Variants in WASL observed in about 807,000 individuals in gnomAD.
WASL encodes the protein WASP like actin nucleation promoting factor, also known as actin nucleation-promoting factor WASL.
In WASL, 20 loss-of-function variants were observed where a neutral mutation model predicts 55.5. That is an observed-to-expected ratio of 0.36 (90% confidence interval 0.25 to 0.52). The LOEUF is 0.52. Among genes scored for constraint, WASL ranks in the 20% least tolerant of loss-of-function variants. The probability of loss-of-function intolerance (pLI) is 0.92; values close to 1 mark genes in which losing one functional copy is unlikely to be tolerated. For missense variants in WASL, 504 were observed against 622.5 expected, an observed-to-expected ratio of 0.81 and a Z score of 2.03; for synonymous variants, 249 against 217.6, an observed-to-expected ratio of 1.14 and a Z score of -1.27.
At chr7:123,741,318 C>A (rs1584875931) in intron 1 of WASL, among the ~76,000 whole-genome samples, 1 of 152,126 alleles carries the variant, frequency 6.6e-6, no homozygotes, top group African/African-American at 2.4e-5. Context: ...ATATATGCTA[C>A]AGAAACTTAG....
At chr7:123,727,112 A>G (rs1011574125) in intron 1 of WASL, among the ~76,000 whole-genome samples, 6 of 152,256 alleles carry the variant, frequency 3.9e-5, no homozygotes, top group Middle Eastern at 3.4e-3. Flanking sequence ...AGGAAATATA[A>G]TGAAAAGCCA....
At position 123,690,651 on chromosome 7, in the gene WASL, G is replaced by A. The variant is rs939173959; in HGVS notation, c.1348-1501C>T. ...TGGAAAGAAAGGGAGAGTTGGGATG[G>A]GAGAAAGTTATGGAGAAAGTAAATA... is the stretch of plus-strand genomic sequence containing the variant. On this transcript the variant is annotated intron_variant, in intron 9 of 10. Coordinates refer to ENST00000223023, the MANE Select transcript of WASL (RefSeq NM_003941.4). Among the ~76,000 whole-genome samples, 274 of 73,724 alleles carry A rather than the reference G, an allele frequency of 3.7e-3. 2 individuals are homozygous for A. The highest frequency in any genetic ancestry group is 6.4e-3 in the Non-Finnish European group (210 of 32,932). The allele number at this position is 73,724 out of a possible 152,430, so 48.4% of individuals were successfully genotyped here.
Position 123,716,446 on chromosome 7 carries a change from G to GATCTGCTTGA in WASL, c.118-7233_118-7224dup, listed in dbSNP as rs762811174. Among the ~76,000 whole-genome samples, 176 of 151,962 alleles carry GATCTGCTTGA rather than the reference G, an allele frequency of 1.2e-3. 1 individual carries two copies. Among genetic ancestry groups the GATCTGCTTGA allele is most frequent in the Non-Finnish European group, 2.2e-3 (150 of 67,944 alleles). On this transcript the variant is annotated intron_variant, in intron 1 of 10. Coordinates refer to ENST00000223023, the MANE Select transcript of WASL (RefSeq NM_003941.4). ...GCCAGGCTGGTCTTGAACTCCTGAC[G>GATCTGCTTGA]ATCTGCTTGAATCTGCTTGACGATT...
intron 1 of WASL, among the ~76,000 whole-genome samples, chr7:123,717,428 C>T (rs1299440237): frequency 3.9e-5 from 6 of 152,220 alleles, no homozygotes; most frequent in East Asian, 1.9e-4. Flanking sequence ...CGTGGTACTT[C>T]CATCAAGAAT....
At chr7:123,690,024 A>T (rs1031767036) in intron 9 of WASL, among the ~76,000 whole-genome samples, 1 of 152,172 alleles carries the variant, frequency 6.6e-6, no homozygotes, top group Non-Finnish European at 1.5e-5. Context: ...ATATAGATTC[A>T]TTCCTTAGTA....
At chr7:123,733,913 C>CAAAAAAAAAAAAA (rs33913069) in intron 1 of WASL, among the ~76,000 whole-genome samples, 1 of 110,800 alleles carries the variant, frequency 9.0e-6, no homozygotes, top group Non-Finnish European at 1.8e-5. Context: ...ATCCACGTGC[C>CAAAAAAAAAAAAA]AAAAAAAAAA....
At chr7:123,729,441 C>T (rs1251595115) in intron 1 of WASL, among the ~76,000 whole-genome samples, 4 of 152,066 alleles carry the variant, frequency 2.6e-5, no homozygotes, top group African/African-American at 9.7e-5. Flanking sequence ...GAGTAAGACA[C>T]AGTATTTTTT....
At chr7:123,700,003 C>T (rs1424281225) in intron 5 of WASL, among the ~76,000 whole-genome samples, 1 of 151,478 alleles carries the variant, frequency 6.6e-6, no homozygotes, top group Non-Finnish European at 1.5e-5. Flanking sequence ...GGTGAAACCC[C>T]GTCTCTACTA....
At chr7:123,716,255 C>T (rs1034498497) in intron 1 of WASL, among the ~76,000 whole-genome samples, 1 of 152,042 alleles carries the variant, frequency 6.6e-6, no homozygotes, top group African/African-American at 2.4e-5. Context: ...CTCTCTCACC[C>T]AGGGTGGAGG....
At chr7:123,732,191 G>A (rs561110493) in intron 1 of WASL, among the ~76,000 whole-genome samples, 1 of 152,078 alleles carries the variant, frequency 6.6e-6, no homozygotes, top group African/African-American at 2.4e-5. Flanking sequence ...TTAGCCGGGT[G>A]TGGTGGCGGA....
rs1363164101 is a variant in WASL, at chr7:123,696,747, C to T, written c.461G>A (p.Gly154Asp). The T allele has an allele frequency of 6.5e-7, 1 of 1,532,722 alleles. No homozygotes were observed. The highest frequency in any genetic ancestry group is 8.7e-7 in the Non-Finnish European group (1 of 1,143,056). 94.9% of individuals were successfully genotyped at this position (1,532,722 alleles called of 1,614,324 possible). A position where few individuals can be genotyped will look rare whatever the true frequency, so the allele number is the denominator to read the frequency against. ...KSEKRRDPPN[G>D]PNLPMATVDI... ...AACTGTAGCCATGGGTAGATTAGGA[C>T]CTGCAAATAAAACCAAATTATATAA... is the stretch of plus-strand genomic sequence containing the variant. Residue 154 changes from glycine to aspartate, a missense_variant and splice_region_variant, in exon 6 of 11, where the codon GGT (glycine) becomes GAT (aspartate). This residue lies in a region of WASL where 230 missense variants were observed against 271.9 expected (regional missense o/e 0.85). Transcript: ENST00000223023.
In WASL at chr7:123,682,696, T is replaced by C. The variant is rs1331717197; in HGVS notation, c.*1823A>G. On this transcript the variant is annotated 3_prime_UTR_variant, in exon 11 of 11. Transcript: ENST00000223023. ...TTAACATTACTTAAAATAATTATAATGTTCCATTTAACTTTTGTACAAACT... is the reference window on the plus strand; with the variant it reads ...TTAACATTACTTAAAATAATTATAACGTTCCATTTAACTTTTGTACAAACT... 1.3e-5 allele frequency: 2 copies of C among 152,114 alleles called. No individual in the cohort carries two copies. The highest frequency in any genetic ancestry group is 2.9e-5 in the Non-Finnish European group (2 of 68,006). 9.4% of individuals were successfully genotyped at this position (152,114 alleles called of 1,614,324 possible).
At position 123,686,183 on chromosome 7, in the gene WASL, A is replaced by T. The variant is rs188748270; in HGVS notation, c.1457-1603T>A. Among the ~76,000 whole-genome samples the T allele has an allele frequency of 2.6e-5, 4 of 151,798 alleles. No individual in the cohort carries two copies. The East Asian group carries it at 7.7e-4, about 29-fold the overall frequency. On this transcript the variant is annotated intron_variant, in intron 10 of 10. Coordinates refer to ENST00000223023, the MANE Select transcript of WASL (RefSeq NM_003941.4). ...AGCCCTAAACTAAGTTGTTACTTTT[A>T]AAACGATAATTATTTATTATTTATT...
At chr7:123,712,376 T>C (rs1803772433) in intron 1 of WASL, among the ~76,000 whole-genome samples, 1 of 152,190 alleles carries the variant, frequency 6.6e-6, no homozygotes, top group South Asian at 2.1e-4. Context: ...AAAAACTACA[T>C]GTTCTGATTT....
Position 123,682,481 on chromosome 7 carries a change from T to C in WASL, c.*2038A>G, listed in dbSNP as rs576834254. 2.6e-5 allele frequency: 4 copies of C among 152,290 alleles called. No individual in the cohort carries two copies. The highest frequency in any genetic ancestry group is 4.4e-5 in the Non-Finnish European group (3 of 68,010). 9.4% of individuals were successfully genotyped at this position (152,290 alleles called of 1,614,324 possible). A position where few individuals can be genotyped will look rare whatever the true frequency, so the allele number is the denominator to read the frequency against. On this transcript the variant is annotated 3_prime_UTR_variant, in exon 11 of 11. Transcript: ENST00000223023. ...ATTTTACATGTTTAAAATTGTGCTT[T>C]GAACTCGAAGAATGGGTACTCTCTG...
At chr7:123,692,240 A>C (rs1373642432) in intron 9 of WASL, 107 bp downstream of exon 9, 1 of 1,401,630 alleles carries the variant, frequency 7.1e-7, no homozygotes, top group African/African-American at 1.5e-5. Context: ...AGAATGAATT[A>C]GCAAGAGGAA....
chr7:123,739,902 GTGTGTGTGTGTGTATATATA>G lies in WASL; in HGVS notation c.117+8696_117+8715del, dbSNP rs1804304467. ...TGTGTGTGTGTGTGTGTGTGTGTGTGTGTGTGTGTGTGTATATATATATATATATGCTGGTTTGCAGCATA... is the reference window on the plus strand; with the variant it reads ...TGTGTGTGTGTGTGTGTGTGTGTGTGTATATATATGCTGGTTTGCAGCATA... On this transcript the variant is annotated intron_variant, in intron 1 of 10. Transcript: ENST00000223023. 4.5e-5 allele frequency among the ~76,000 whole-genome samples: 4 copies of G among 88,728 alleles called. No homozygotes were observed. In the South Asian group the frequency reaches 1.3e-3, roughly 28 times the overall value. 58.2% of individuals were successfully genotyped at this position (88,728 alleles called of 152,430 possible).
intron 3 of WASL, 120 bp from the exon 4 acceptor site, chr7:123,706,493 A>T (rs1033622638): frequency 6.4e-6 from 6 of 934,978 alleles, no homozygotes; most frequent in Non-Finnish European, 4.8e-6. Flanking sequence ...TTACTAGCAG[A>T]TAAGACATTA....
chr7:123,682,304 T>C lies in WASL; in HGVS notation c.*2215A>G, dbSNP rs992044399. 3 of 152,152 alleles carry C rather than the reference T, an allele frequency of 2.0e-5. No homozygotes were observed. Among genetic ancestry groups the C allele is most frequent in the Non-Finnish European group, 4.4e-5 (3 of 68,018 alleles). The allele number at this position is 152,152 out of a possible 1,614,324, so 9.4% of individuals were successfully genotyped here. On this transcript the variant is annotated 3_prime_UTR_variant, in exon 11 of 11. Coordinates refer to ENST00000223023, the MANE Select transcript of WASL (RefSeq NM_003941.4). ...ACATGCAACCTTACACCTTACTTGG[T>C]AAAGCAGATTTAGTCTTCATGCCTG...
Sources: allele counts gnomAD v4.1 joint callset (sites outside exome capture counted in the v4.1 genomes callset), GRCh38; gene constraint gnomAD v4.1.1; regional missense constraint gnomAD v4.1.1; transcripts MANE v1.5; gene names NCBI Gene and HGNC (gene_info 2026-07-23, HGNC 2026-07-21).